Variants in GALNT18 observed in about 807,000 individuals in gnomAD.
GALNT18 encodes polypeptide N-acetylgalactosaminyltransferase 18, also known as GalNAc-transferase 18.
GALNT18 carries 44 observed loss-of-function variants against 69.5 expected under a neutral mutation model. The ratio of observed to expected loss-of-function variants is 0.63; its 90% CI spans 0.50 to 0.81. The LOEUF is 0.81. Among genes scored for constraint, GALNT18 ranks in the 40% least tolerant of loss-of-function variants. The pLI, the probability that GALNT18 is intolerant of heterozygous loss-of-function variation, is 0.00. For missense variants in GALNT18, 715 were observed against 810.0 expected (o/e 0.88, Z 1.42); for synonymous variants, 364 against 318.2 (o/e 1.14, Z -1.53).
chr11:11,594,303 G>A (rs1456492122), intron 1 of GALNT18, among the ~76,000 whole-genome samples: 8 of 152,158 alleles, frequency 5.3e-5, no homozygotes, highest in Non-Finnish European at 1.2e-4. Flanking sequence ...TATTTTTTAA[G>A]CTTTATTGAT....
intron 1 of GALNT18, among the ~76,000 whole-genome samples, chr11:11,498,118 A>T (rs1856903485): frequency 6.6e-6 from 1 of 152,216 alleles, no homozygotes; most frequent in Non-Finnish European, 1.5e-5. Flanking sequence ...GATTATGTAC[A>T]TATGTCTTCT....
At chr11:11,487,299 AT>A (rs1856664566) in intron 1 of GALNT18, among the ~76,000 whole-genome samples, 1 of 152,196 alleles carries the variant, frequency 6.6e-6, no homozygotes, top group South Asian at 2.1e-4. Flanking sequence ...AAGACTACAA[AT>A]TGGGTTCAGT....
chr11:11,359,648 A>C lies in GALNT18; in HGVS notation c.1092+12867T>G, dbSNP rs185308455. ...GACATTGTGTAGTATCATCTGATTT[A>C]GGCCCCAGCACTCCTGAGAGATGTG... On this transcript the variant is annotated intron_variant, in intron 6 of 10. Coordinates refer to ENST00000227756, the MANE Select transcript of GALNT18 (RefSeq NM_198516.3). 5.3e-3 allele frequency among the ~76,000 whole-genome samples: 802 copies of C among 152,326 alleles called. 6 individuals carry two copies. The highest frequency in any genetic ancestry group is 0.018 in the African/African-American group (763 of 41,570).
intron 3 of GALNT18, among the ~76,000 whole-genome samples, chr11:11,395,238 G>A (rs1854300247): frequency 6.6e-6 from 1 of 152,186 alleles, no homozygotes; most frequent in African/African-American, 2.4e-5. Flanking sequence ...AATGCTGCTG[G>A]CCCAAGAGAG....
At chr11:11,516,172 G>A (rs2133920744) in intron 1 of GALNT18, among the ~76,000 whole-genome samples, 1 of 152,348 alleles carries the variant, frequency 6.6e-6, no homozygotes, top group Middle Eastern at 3.4e-3. Context: ...AGGGAAGGAT[G>A]TGTAGGGACA....
intron 10 of GALNT18, among the ~76,000 whole-genome samples, chr11:11,287,940 C>CAGCAGG (rs1849223769): frequency 1.3e-5 from 2 of 152,184 alleles, no homozygotes; most frequent in Non-Finnish European, 2.9e-5. Flanking sequence ...GCTGAAATGT[C>CAGCAGG]TCTCAAAGTC....
chr11:11,399,581 C>T (rs945539085), intron 3 of GALNT18, among the ~76,000 whole-genome samples: 34 of 152,110 alleles, frequency 2.2e-4, no homozygotes, highest in African/African-American at 8.0e-4. Flanking sequence ...CAAACAGTAA[C>T]GATATAAAAC....
chr11:11,273,631 T>C (rs1319306134), intron 10 of GALNT18, among the ~76,000 whole-genome samples: 4 of 152,206 alleles, frequency 2.6e-5, no homozygotes, highest in East Asian at 1.9e-4. Flanking sequence ...GAGAACAGTA[T>C]GGAGGTTCCT....
chr11:11,568,643 T>G (rs925522057), intron 1 of GALNT18, among the ~76,000 whole-genome samples: 1 of 151,990 alleles, frequency 6.6e-6, no homozygotes, highest in Non-Finnish European at 1.5e-5. Flanking sequence ...GAGAGCAAGA[T>G]GTACAGGAGA....
At chr11:11,348,970 T>C (rs1850351862) in intron 6 of GALNT18, among the ~76,000 whole-genome samples, 1 of 152,180 alleles carries the variant, frequency 6.6e-6, no homozygotes, top group Non-Finnish European at 1.5e-5. Flanking sequence ...TGGCAGTACC[T>C]TAGAAACCTC....
intron 10 of GALNT18, among the ~76,000 whole-genome samples, chr11:11,290,006 C>T (rs959216869): frequency 6.6e-6 from 1 of 151,418 alleles, no homozygotes; most frequent in Non-Finnish European, 1.5e-5. Context: ...GACACCAAGT[C>T]CCCAGGGCTA....
intron 1 of GALNT18, 39 bp from the exon 2 acceptor site, chr11:11,448,975 C>G (rs375035083): frequency 6.8e-7 from 1 of 1,472,832 alleles, no homozygotes; most frequent in South Asian, 1.3e-5. Flanking sequence ...GGTCAGAGTG[C>G]ACCCCTGCAT....
At chr11:11,418,486 C>T (rs1384736968) in intron 3 of GALNT18, among the ~76,000 whole-genome samples, 2 of 152,186 alleles carry the variant, frequency 1.3e-5, no homozygotes, top group Non-Finnish European at 2.9e-5. Flanking sequence ...CAAATCCATT[C>T]AATCACCAAG....
rs61471579 is a variant in GALNT18 at position 11,620,316 on chromosome 11, AGCGCGCGC to A, written c.235+1035_235+1042del. On this transcript the variant is annotated intron_variant, in intron 1 of 10. Transcript: ENST00000227756. The surrounding 1 kb of genome is among the most constrained non-coding windows in gnomAD (Gnocchi z 6.9). ...GGGGAGGGGAGGAAGTGTGGACGTG[AGCGCGCGC>A]GCGCGCGCGTGTGTGTGTGTGTGTG... Among the ~76,000 whole-genome samples, 6 of 147,900 alleles carry A rather than the reference AGCGCGCGC, an allele frequency of 4.1e-5. No homozygotes were observed. The South Asian group carries it at 1.3e-3, about 32-fold the overall frequency.
chr11:11,554,420 C>G (rs552643741), intron 1 of GALNT18, among the ~76,000 whole-genome samples: 113 of 150,574 alleles, frequency 7.5e-4, no homozygotes, highest in African/African-American at 2.7e-3. Flanking sequence ...TCCAGCATGT[C>G]TTTCAGCATG....
chr11:11,444,186 G>A lies in GALNT18; in HGVS notation c.428+4558C>T, dbSNP rs1855595219. 6.6e-6 allele frequency among the ~76,000 whole-genome samples: 1 copy of A among 151,684 alleles called. No homozygotes were observed. Among genetic ancestry groups the A allele is most frequent in the South Asian group, 2.1e-4 (1 of 4,762 alleles). ...CCCCGCCTCCCTGCCACAGAGAGGT[G>A]CCTTGCAGATGCCACCCTCCAGGCC... On this transcript the variant is annotated intron_variant, in intron 2 of 10. Transcript: ENST00000227756. The surrounding 1 kb of genome is among the most constrained non-coding windows in gnomAD (Gnocchi z 4.4).
Position 11,377,059 on chromosome 11 carries a change from G to C in GALNT18, c.977+123C>G, listed in dbSNP as rs950600242. The C allele has an allele frequency of 8.3e-6, 7 of 841,436 alleles. No individual in the cohort carries two copies. Among genetic ancestry groups the C allele is most frequent in the Non-Finnish European group, 1.3e-5 (7 of 528,096 alleles). The allele number at this position is 841,436 out of a possible 1,614,324, so 52.1% of individuals were successfully genotyped here. On this transcript the variant is annotated intron_variant, in intron 5 of 10. Coordinates refer to ENST00000227756, the MANE Select transcript of GALNT18 (RefSeq NM_198516.3). The surrounding 1 kb of genome is among the most constrained non-coding windows in gnomAD (Gnocchi z 4.6). ...TGAAGATCAGACTGCAGTTCCTTTC[G>C]ACCCTGCCCACCCCTGTCATCCCCA...
At chr11:11,351,761 CT>C (rs58753775) in intron 6 of GALNT18, among the ~76,000 whole-genome samples, 9,451 of 148,732 alleles carry the variant, frequency 0.064, 1,014 homozygotes, top group African/African-American at 0.22. Flanking sequence ...GAGCAATTTT[CT>C]TTTTTTTTTT....
At chr11:11,479,695 A>G (rs1201742685) in intron 1 of GALNT18, among the ~76,000 whole-genome samples, 1 of 152,196 alleles carries the variant, frequency 6.6e-6, no homozygotes, top group East Asian at 1.9e-4. Context: ...TCACTAACCT[A>G]CAGTTTGCAA....
Sources: allele counts gnomAD v4.1 joint callset (sites outside exome capture counted in the v4.1 genomes callset), GRCh38; gene constraint gnomAD v4.1.1; non-coding constraint Gnocchi (gnomAD v3.1); transcripts MANE v1.5; gene names NCBI Gene and HGNC (gene_info 2026-07-23, HGNC 2026-07-21).